BCL6B: variants seen among roughly 807,000 people sequenced by gnomAD.
The protein encoded by BCL6B is BCL6B transcription repressor.
Under a neutral mutation model 44.6 loss-of-function variants are expected in BCL6B, and 28 were observed. The observed-to-expected ratio is 0.63, with a 90% CI of 0.47 to 0.86. The LOEUF (loss-of-function observed/expected upper bound fraction) is 0.86, where lower values mean the gene tolerates loss of function less well. Ranked by LOEUF, BCL6B falls within the 40% of genes least tolerant of loss-of-function variation. The pLI, the probability that BCL6B is intolerant of heterozygous loss-of-function variation, is 0.00. For synonymous variants in BCL6B, 268 were observed against 263.6 expected, an observed-to-expected ratio of 1.02 and a Z score of -0.16; for missense variants, 626 against 652.3, an observed-to-expected ratio of 0.96 and a Z score of 0.44.
chr17:7,024,581 G>C lies in BCL6B; in HGVS notation c.582G>C (p.Trp194Cys), dbSNP rs1163154144. The C allele has an allele frequency of 6.2e-7, 1 of 1,614,126 alleles. No homozygotes were observed. The highest frequency in any genetic ancestry group is 1.1e-5 in the South Asian group (1 of 91,070). ...PASPDPKACN[W>C]KKYKYIVLNS... ...GCCCTGACCCCAAGGCCTGCAACTG[G>C]AAAAAGTACAAGTACATCGTGCTAA... Residue 194 changes from tryptophan (W) to cysteine (C), a missense_variant, in exon 4 of 9, where the codon TGG becomes TGC. Physicochemically the swap from Trp to Cys is radical, Grantham distance 215 (BLOSUM62 -2). Transcript: ENST00000293805. The surrounding 1 kb of genome is among the most constrained non-coding windows in gnomAD (Gnocchi z 6.6).
At position 7,024,004 on chromosome 17, in the gene BCL6B, A is replaced by G. The variant is rs1033358477; in HGVS notation, c.180-79A>G. The G allele has an allele frequency of 5.2e-6, 8 of 1,542,792 alleles. No homozygotes were observed. Among genetic ancestry groups the G allele is most frequent in the Non-Finnish European group, 7.1e-6 (8 of 1,126,540 alleles). On this transcript the variant is annotated intron_variant, in intron 2 of 8. Transcript: ENST00000293805. The surrounding 1 kb of genome is among the most constrained non-coding windows in gnomAD (Gnocchi z 6.6). ...GATAGTGAGGAGGCGGGACTTTTTCAGGGGGCGGGGCTTCCTGAAGCTGCG... is the reference window on the plus strand; with the variant it reads ...GATAGTGAGGAGGCGGGACTTTTTCGGGGGGCGGGGCTTCCTGAAGCTGCG...
In BCL6B at chr17:7,023,935, T is replaced by C. The variant is rs762514014; in HGVS notation, c.179+85T>C. The C allele has an allele frequency of 1.4e-4, 223 of 1,554,650 alleles. 1 individual carries two copies. Among genetic ancestry groups the C allele is most frequent in the Non-Finnish European group, 1.9e-4 (217 of 1,142,992 alleles). On this transcript the variant is annotated intron_variant, in intron 2 of 8. Transcript: ENST00000293805. ...TTGAGAGGGAATCCGAAGCCAAGTCTTTCAGAAGCAGGAGGCGGAGCGTCC... is the reference window on the plus strand; with the variant it reads ...TTGAGAGGGAATCCGAAGCCAAGTCCTTCAGAAGCAGGAGGCGGAGCGTCC...
chr17:7,024,920 A>G lies in BCL6B; in HGVS notation c.765-156A>G, dbSNP rs995357230. On this transcript the variant is annotated intron_variant, in intron 4 of 8. Transcript: ENST00000293805. The surrounding 1 kb of genome is among the most constrained non-coding windows in gnomAD (Gnocchi z 6.6). The stretch of plus-strand genomic sequence containing the variant: ...TGGCCAGAGACCAGGTTTATTCAGC[A>G]GGGTGGCACTTGGGCAGTACAATGG... Among the ~76,000 whole-genome samples the G allele has an allele frequency of 2.6e-5, 4 of 152,210 alleles. No homozygotes were observed. Among genetic ancestry groups the G allele is most frequent in the African/African-American group, 9.6e-5 (4 of 41,452 alleles).
intron 1 of BCL6B, 32 bp from the exon 2 acceptor site, chr17:7,023,628 T>C: frequency 1.9e-6 from 3 of 1,576,506 alleles, no homozygotes; most frequent in East Asian, 4.5e-5. Context: ...TAGGACTGCC[T>C]GGATCCAGAG....
At position 7,024,501 on chromosome 17, in the gene BCL6B, C is replaced by G. The variant is rs1323888116; in HGVS notation, c.502C>G (p.Pro168Ala). The change falls in exon 4 of 9, where the codon CCA (proline) becomes GCA (alanine). Residue 168 changes from proline (P) to alanine (A), a missense_variant. Transcript: ENST00000293805. This position sits in a 1 kb window ranked among gnomAD's most constrained non-coding sequence, Gnocchi z 6.6. Reference sequence around the variant, plus strand: ...TAGTCCCAGGCGCTCCGAAGGACACCCAGACCCACCTACTGAATCTCGAAG... The same window carrying G: ...TAGTCCCAGGCGCTCCGAAGGACACGCAGACCCACCTACTGAATCTCGAAG... ...PGSPRRSEGH[P>A]DPPTESRSCS... 1.2e-6 allele frequency: 2 copies of G among 1,613,858 alleles called. No individual in the cohort carries two copies. Among genetic ancestry groups the G allele is most frequent in the Non-Finnish European group, 1.7e-6 (2 of 1,179,996 alleles).
rs1258860048 is a variant in BCL6B, at chr17:7,028,618, A to C, written c.*999A>C. ...ACCCACCAGGGCTCAAGTGGAGTCC[A>C]TCATCCTCCCACGGGGGCCTGTTCT... On this transcript the variant is annotated 3_prime_UTR_variant, in exon 9 of 9. Coordinates refer to ENST00000293805, the MANE Select transcript of BCL6B (RefSeq NM_181844.4). 2 of 985,334 alleles carry C rather than the reference A, an allele frequency of 2.0e-6. No individual in the cohort carries two copies. Among genetic ancestry groups the C allele is most frequent in the Non-Finnish European group, 2.4e-6 (2 of 829,940 alleles). 61.0% of individuals were successfully genotyped at this position (985,334 alleles called of 1,614,324 possible).
chr17:7,028,563 G>A lies in BCL6B; in HGVS notation c.*944G>A, dbSNP rs1200788611. 6 of 985,412 alleles carry A rather than the reference G, an allele frequency of 6.1e-6. No individual in the cohort carries two copies. In the East Asian group the frequency reaches 6.8e-4, roughly 111 times the overall value. 61.0% of individuals were successfully genotyped at this position (985,412 alleles called of 1,614,324 possible). ...CCATTAATCTGGTCACTTGGGTTTG[G>A]CTCTGCTGTATCCATCTATAGTGGT... On this transcript the variant is annotated 3_prime_UTR_variant, in exon 9 of 9. Coordinates refer to ENST00000293805, the MANE Select transcript of BCL6B (RefSeq NM_181844.4).
Position 7,027,679 on chromosome 17 carries a change from C to T in BCL6B, c.*60C>T, listed in dbSNP as rs2151664752. 1 of 1,604,544 alleles carries T rather than the reference C, an allele frequency of 6.2e-7. No homozygotes were observed. The highest frequency in any genetic ancestry group is 2.2e-5 in the East Asian group (1 of 44,850). On this transcript the variant is annotated 3_prime_UTR_variant, in exon 9 of 9. Coordinates refer to ENST00000293805, the MANE Select transcript of BCL6B (RefSeq NM_181844.4). ...GGGTGGGAAAGCTGCAGGCCCAGGC[C>T]TTGCTTCCCTATCAGGCTTGGGCAT...
chr17:7,025,986 AT>A (rs1794677189), intron 5 of BCL6B, among the ~76,000 whole-genome samples: 1 of 151,980 alleles, frequency 6.6e-6, no homozygotes, highest in African/African-American at 2.4e-5. Context: ...CAGTGCCGCA[AT>A]CTCGGTTCAC....
rs1041756150 is a variant in BCL6B at position 7,023,721 on chromosome 17, T to A, written c.50T>A (p.Phe17Tyr). The change falls in exon 2 of 9, where the codon TTC (phenylalanine) becomes TAC (tyrosine). Residue 17 changes from phenylalanine (F) to tyrosine (Y), a missense_variant. Transcript: ENST00000293805. ...GGAGCGCTGGGCTACGTCCGCGAGT[T>A]CACTCGCCACTCCTCCGACGTGCTG... ...PEGALGYVRE[F>Y]TRHSSDVLGN... 3 of 1,613,162 alleles carry A rather than the reference T, an allele frequency of 1.9e-6. No homozygotes were observed. The highest frequency in any genetic ancestry group is 2.5e-6 in the Non-Finnish European group (3 of 1,180,022).
intron 5 of BCL6B, among the ~76,000 whole-genome samples, chr17:7,025,764 G>T (rs1246996695): frequency 6.8e-6 from 1 of 147,222 alleles, no homozygotes; most frequent in South Asian, 2.2e-4. Context: ...CTGAACCCGG[G>T]AGGTGGAGAT....
chr17:7,023,881 A>G, intron 2 of BCL6B, 31 bp downstream of exon 2: 2 of 1,604,714 alleles, frequency 1.2e-6, no homozygotes, highest in Non-Finnish European at 1.7e-6. Context: ...GGCGGGGCCA[A>G]ATGGGAAAGG....
rs767335738 is a variant in BCL6B, at chr17:7,026,568, G to C, written c.1001G>C (p.Arg334Pro). The C allele has an allele frequency of 3.1e-6, 5 of 1,614,090 alleles. No homozygotes were observed. Among genetic ancestry groups the C allele is most frequent in the Non-Finnish European group, 4.2e-6 (5 of 1,180,052 alleles). ...EDKPYKCQLC[R>P]SSFRYKGNLA... is the part of the protein sequence containing the mutation. Reference sequence around the variant, plus strand: ...AAACCCTATAAGTGTCAGCTGTGCCGGTCTTCGTTCCGCTACAAGGGCAAC... The same window carrying C: ...AAACCCTATAAGTGTCAGCTGTGCCCGTCTTCGTTCCGCTACAAGGGCAAC... The change falls in exon 6 of 9, where the codon CGG becomes CCG. Residue 334 changes from arginine (R) to proline (P), a missense_variant. Coordinates refer to ENST00000293805, the MANE Select transcript of BCL6B (RefSeq NM_181844.4).
rs1005555771 is a variant in BCL6B at position 7,027,766 on chromosome 17, G to A, written c.*147G>A. 4 of 1,459,692 alleles carry A rather than the reference G, an allele frequency of 2.7e-6. No homozygotes were observed. In the African/African-American group the frequency reaches 4.3e-5, roughly 16 times the overall value. 90.4% of individuals were successfully genotyped at this position (1,459,692 alleles called of 1,614,324 possible). On this transcript the variant is annotated 3_prime_UTR_variant, in exon 9 of 9. Coordinates refer to ENST00000293805, the MANE Select transcript of BCL6B (RefSeq NM_181844.4). ...CACCCTCTTAATTTCTCACTGGGGA[G>A]AGCAGGGGTGGCAGATCCTGGCTAG...
At chr17:7,027,386 A>C in intron 8 of BCL6B, 117 bp from the exon 9 acceptor site, 1 of 1,248,478 alleles carries the variant, frequency 8.0e-7, no homozygotes, top group Non-Finnish European at 1.1e-6. Flanking sequence ...TGTGAGAGTC[A>C]AAGAGCTGAT....
At position 7,024,955 on chromosome 17, in the gene BCL6B, A is replaced by G. The variant is rs1910241960; in HGVS notation, c.765-121A>G. 1.3e-6 allele frequency: 2 copies of G among 1,504,726 alleles called. No homozygotes were observed. Among genetic ancestry groups the G allele is most frequent in the Non-Finnish European group, 1.8e-6 (2 of 1,122,762 alleles). The allele number at this position is 1,504,726 out of a possible 1,614,324, so 93.2% of individuals were successfully genotyped here. ...TTGGGCAGTACAATGGATGTGGCTC[A>G]TTGGTCAACAATATTGGCTCACCCT... is the stretch of plus-strand genomic sequence containing the variant. On this transcript the variant is annotated intron_variant, in intron 4 of 8. Coordinates refer to ENST00000293805, the MANE Select transcript of BCL6B (RefSeq NM_181844.4). The surrounding 1 kb of genome is among the most constrained non-coding windows in gnomAD (Gnocchi z 6.6).
At chr17:7,025,505 T>C (rs985346552) in intron 5 of BCL6B, among the ~76,000 whole-genome samples, 12 of 152,270 alleles carry the variant, frequency 7.9e-5, no homozygotes, top group Admixed American at 7.8e-4. Context: ...TCAGGGCCTC[T>C]CTGGCAGGCT....
rs1432761685 is a variant in BCL6B at position 7,028,643 on chromosome 17, T to C, written c.*1024T>C. ...ATCATCCTCCCACGGGGGCCTGTTC[T>C]TAGCACTGAGTTGATCGCTCCATGG... On this transcript the variant is annotated 3_prime_UTR_variant, in exon 9 of 9. Coordinates refer to ENST00000293805, the MANE Select transcript of BCL6B (RefSeq NM_181844.4). The C allele has an allele frequency of 1.0e-6, 1 of 985,382 alleles. No individual in the cohort carries two copies. Among genetic ancestry groups the C allele is most frequent in the African/African-American group, 1.7e-5 (1 of 57,242 alleles). 61.0% of individuals were successfully genotyped at this position (985,382 alleles called of 1,614,324 possible).
chr17:7,024,416 C>A lies in BCL6B; in HGVS notation c.417C>A (p.Gly139=). The change falls in exon 4 of 9, where the codon GGC becomes GGA. Residue 139 remains glycine, a synonymous_variant. Coordinates refer to ENST00000293805, the MANE Select transcript of BCL6B (RefSeq NM_181844.4). The surrounding 1 kb of genome is among the most constrained non-coding windows in gnomAD (Gnocchi z 6.6). The part of the protein sequence containing the change: ...RFIQASYEPL[G]ISLRPLEAEP... ...CTTTCCCCAGCTATGAACCTCTGGG[C>A]ATCTCCCTGCGCCCCCTGGAAGCAG... 1 of 1,613,306 alleles carries A rather than the reference C, an allele frequency of 6.2e-7. No individual in the cohort carries two copies. Among genetic ancestry groups the A allele is most frequent in the Non-Finnish European group, 8.5e-7 (1 of 1,179,644 alleles).
Sources: allele counts gnomAD v4.1 joint callset (sites outside exome capture counted in the v4.1 genomes callset), GRCh38; gene constraint gnomAD v4.1.1; non-coding constraint Gnocchi (gnomAD v3.1); transcripts MANE v1.5; gene names NCBI Gene and HGNC (gene_info 2026-07-23, HGNC 2026-07-21).